Variants in GRM8 observed in about 807,000 individuals in gnomAD.
GRM8 encodes the protein glutamate metabotropic receptor 8.
Under a neutral mutation model 87.2 loss-of-function variants are expected in GRM8, and 47 were observed. The observed-to-expected ratio is 0.54, with a 90% CI of 0.43 to 0.69. The LOEUF is 0.69. Ranked by LOEUF, GRM8 falls within the 30% of genes least tolerant of loss-of-function variation. The pLI is 0.00. For missense variants in GRM8, 1,019 were observed against 1,139.2 expected (o/e 0.89, Z 1.52); for synonymous variants, 396 against 404.5 (o/e 0.98, Z 0.25).
intron 3 of GRM8, chr7:127,082,139 C>T (rs1822938736): frequency 6.6e-6 from 1 of 152,188 alleles, no homozygotes; most frequent in Admixed American, 6.5e-5. Flanking sequence ...CCGCTCTTTG[C>T]CTTCTTTCAT....
rs140616553 is a variant in GRM8, at chr7:126,442,940, G to A, written c.2677+3186C>T. Among the ~76,000 whole-genome samples the A allele has an allele frequency of 1.8e-3, 275 of 152,044 alleles. 2 individuals are homozygous for A. Among genetic ancestry groups the A allele is most frequent in the African/African-American group, 6.4e-3 (264 of 41,526 alleles). On this transcript the variant is annotated intron_variant, in intron 10 of 10. Coordinates refer to ENST00000339582, the MANE Select transcript of GRM8 (RefSeq NM_000845.3). The stretch of plus-strand genomic sequence containing the variant: ...AAACTTTGTGGATGGCAGATACCTC[G>A]CAAGAATCTTTATCCCAGAAGTATT...
intron 6 of GRM8, among the ~76,000 whole-genome samples, chr7:126,819,729 A>G (rs1054530506): frequency 1.3e-5 from 2 of 152,152 alleles, no homozygotes; most frequent in African/African-American, 4.8e-5. Flanking sequence ...AAATATTAAC[A>G]ATGTAAATAG....
intron 8 of GRM8, among the ~76,000 whole-genome samples, chr7:126,558,769 C>T (rs547957945): frequency 4.6e-5 from 7 of 152,164 alleles, no homozygotes; most frequent in Admixed American, 3.9e-4. Context: ...AGATGTGGAA[C>T]CTGCAGATAC....
intron 7 of GRM8, among the ~76,000 whole-genome samples, chr7:126,768,938 A>AAAAAAAAAAAAAT (rs1818528798): frequency 1.4e-5 from 2 of 148,052 alleles, no homozygotes; most frequent in African/African-American, 2.5e-5. Context: ...AAAAAAAAAA[A>AAAAAAAAAAAAAT]AAATAAAGAA....
intron 2 of GRM8, among the ~76,000 whole-genome samples, chr7:127,178,286 C>T (rs1389496049): frequency 6.6e-6 from 1 of 151,984 alleles, no homozygotes; most frequent in Non-Finnish European, 1.5e-5. Context: ...CAAATTAACC[C>T]AATCCAAAAA....
chr7:126,647,580 C>G (rs1585358881), intron 7 of GRM8, among the ~76,000 whole-genome samples: 4 of 152,150 alleles, frequency 2.6e-5, no homozygotes, highest in African/African-American at 9.6e-5. Context: ...CAGAAATGAA[C>G]TATCAAGCTC....
intron 2 of GRM8, chr7:127,229,613 G>A (rs1005814371): frequency 6.6e-6 from 1 of 152,186 alleles, no homozygotes; most frequent in African/African-American, 2.4e-5. Flanking sequence ...CATTTAAATA[G>A]GTGGGGTTAA....
At chr7:126,834,271 A>T (rs967902477) in intron 6 of GRM8, among the ~76,000 whole-genome samples, 1 of 152,246 alleles carries the variant, frequency 6.6e-6, no homozygotes, top group Non-Finnish European at 1.5e-5. Flanking sequence ...ATCTAAAAAT[A>T]AGATTTTAAG....
chr7:126,522,187 C>A (rs187340022), intron 9 of GRM8, among the ~76,000 whole-genome samples: 3 of 152,290 alleles, frequency 2.0e-5, no homozygotes, highest in Admixed American at 2.0e-4. Flanking sequence ...GCAAACATCT[C>A]ATTTTCCATT....
rs147324249 is a variant in GRM8 at position 126,668,011 on chromosome 7, G to A, written c.1358-58513C>T. ...TACACCAGCAACCTACTGAGACAGC[G>A]AAGGGGTGCCTGGAGAAACTCCAAG... is the stretch of plus-strand genomic sequence containing the variant. On this transcript the variant is annotated intron_variant, in intron 7 of 10. Transcript: ENST00000339582. Among the ~76,000 whole-genome samples the A allele has an allele frequency of 2.0e-3, 309 of 152,304 alleles. 3 individuals are homozygous for A. Among genetic ancestry groups the A allele is most frequent in the African/African-American group, 7.0e-3 (291 of 41,564 alleles).
At chr7:126,563,296 TTA>T (rs1793901727) in intron 8 of GRM8, among the ~76,000 whole-genome samples, 1 of 128,628 alleles carries the variant, frequency 7.8e-6, no homozygotes, top group Admixed American at 7.6e-5. Flanking sequence ...TGGTTTTTTT[TTA>T]AAAAAAAAAC....
At chr7:126,560,486 T>G (rs1793586415) in intron 8 of GRM8, among the ~76,000 whole-genome samples, 1 of 152,050 alleles carries the variant, frequency 6.6e-6, no homozygotes, top group Non-Finnish European at 1.5e-5. Flanking sequence ...AGTGAATAAA[T>G]AAATAAAAAT....
At chr7:126,539,546 C>T (rs1377964470) in intron 8 of GRM8, among the ~76,000 whole-genome samples, 2 of 151,834 alleles carry the variant, frequency 1.3e-5, no homozygotes, top group South Asian at 2.1e-4. Flanking sequence ...AAACTTATTA[C>T]AAAGAATGTC....
In GRM8 at chr7:126,842,528, T is replaced by C. The variant is rs186836487; in HGVS notation, c.1156+60014A>G. Among the ~76,000 whole-genome samples the C allele has an allele frequency of 1.3e-3, 194 of 152,340 alleles. 1 individual carries two copies. The highest frequency in any genetic ancestry group is 2.3e-3 in the Non-Finnish European group (159 of 68,034). Reference sequence around the variant, plus strand: ...CTCCCTTGAACGTGTGAATGTATTATGTTGCATAGGAGAATTAAGGTTGGA... The same window carrying C: ...CTCCCTTGAACGTGTGAATGTATTACGTTGCATAGGAGAATTAAGGTTGGA... On this transcript the variant is annotated intron_variant, in intron 6 of 10. Coordinates refer to ENST00000339582, the MANE Select transcript of GRM8 (RefSeq NM_000845.3).
intron 6 of GRM8, among the ~76,000 whole-genome samples, chr7:126,839,777 T>C (rs1251682494): frequency 6.6e-6 from 1 of 152,188 alleles, no homozygotes; most frequent in African/African-American, 2.4e-5. Context: ...CCCAAAACTC[T>C]CGGCTCACCT....
intron 3 of GRM8, among the ~76,000 whole-genome samples, chr7:126,970,214 G>C (rs1007491896): frequency 2.0e-5 from 3 of 152,102 alleles, no homozygotes; most frequent in Admixed American, 6.6e-5. Context: ...CTAACAGGAG[G>C]GTCAGCCTGT....
intron 2 of GRM8, among the ~76,000 whole-genome samples, chr7:127,152,765 C>T (rs1792475223): frequency 6.6e-6 from 1 of 152,058 alleles, no homozygotes; most frequent in Non-Finnish European, 1.5e-5. Flanking sequence ...TTGGAGAAAA[C>T]CATCTAAAGA....
intron 7 of GRM8, among the ~76,000 whole-genome samples, chr7:126,697,521 C>T (rs1302013082): frequency 6.6e-6 from 1 of 151,986 alleles, no homozygotes; most frequent in African/African-American, 2.4e-5. Flanking sequence ...ATGTTGTATG[C>T]CTTAAATATA....
chr7:126,749,938 C>G (rs190457963), intron 7 of GRM8, among the ~76,000 whole-genome samples: 1 of 152,112 alleles, frequency 6.6e-6, no homozygotes, highest in African/African-American at 2.4e-5. Context: ...GTCAGTCTCT[C>G]GTACAGTTAA....
Sources: gnomAD v4.1 joint callset for allele counts (sites outside exome capture counted in the v4.1 genomes callset) on GRCh38, gnomAD v4.1.1 for gene constraint, MANE v1.5 for transcripts, NCBI Gene and HGNC (gene_info 2026-07-23, HGNC 2026-07-21) for gene names.